Variants in ELOVL6 observed in about 807,000 individuals in gnomAD.
ELOVL6 encodes ELOVL fatty acid elongase 6, also known as very long chain fatty acid elongase 6.
ELOVL6 carries 8 observed loss-of-function variants against 31.7 expected under a neutral mutation model. That is an observed-to-expected ratio of 0.25 (90% CI 0.15 to 0.45). The LOEUF (loss-of-function observed/expected upper bound fraction) is 0.45, where lower values mean the gene tolerates loss of function less well. ELOVL6 is among the 20% of genes least tolerant of loss of function. The probability of loss-of-function intolerance (pLI) is 1.00; values close to 1 mark genes in which losing one functional copy is unlikely to be tolerated. For missense variants in ELOVL6, 126 were observed against 326.4 expected (o/e 0.39, Z 4.73); for synonymous variants, 101 against 117.7 (o/e 0.86, Z 0.92).
intron 2 of ELOVL6, among the ~76,000 whole-genome samples, chr4:110,078,124 G>A (rs1159846961): frequency 9.2e-5 from 14 of 152,224 alleles, no homozygotes; most frequent in Admixed American, 9.2e-4. Flanking sequence ...TGGTGTACCT[G>A]AAAGTGACAG....
intron 1 of ELOVL6, among the ~76,000 whole-genome samples, chr4:110,153,714 A>G (rs1190973708): frequency 6.6e-6 from 1 of 152,196 alleles, no homozygotes; most frequent in Non-Finnish European, 1.5e-5. Flanking sequence ...GAGAAATGAA[A>G]AACTGTTATA....
At chr4:110,180,719 T>G (rs1759247297) in intron 1 of ELOVL6, among the ~76,000 whole-genome samples, 1 of 152,226 alleles carries the variant, frequency 6.6e-6, no homozygotes, top group Admixed American at 6.5e-5. Context: ...GCCTATACTT[T>G]GTTTTCTTAT....
chr4:110,195,705 G>T (rs1202306901), intron 1 of ELOVL6, among the ~76,000 whole-genome samples: 1 of 152,194 alleles, frequency 6.6e-6, no homozygotes, highest in Non-Finnish European at 1.5e-5. Flanking sequence ...GCCACGGTAT[G>T]CAAGTTCTAG....
chr4:110,066,867 T>C (rs1297390280), intron 2 of ELOVL6, among the ~76,000 whole-genome samples: 2 of 152,016 alleles, frequency 1.3e-5, no homozygotes, highest in East Asian at 3.9e-4. Flanking sequence ...TCATCTAGGT[T>C]TTAAGCCCTG....
chr4:110,148,710 C>T (rs1394525567), intron 1 of ELOVL6, among the ~76,000 whole-genome samples: 1 of 152,068 alleles, frequency 6.6e-6, no homozygotes, highest in Non-Finnish European at 1.5e-5. Flanking sequence ...GATTATTATA[C>T]ACTGCATGCC....
intron 1 of ELOVL6, among the ~76,000 whole-genome samples, chr4:110,187,550 G>A (rs754504279): frequency 1.4e-4 from 22 of 151,782 alleles, no homozygotes; most frequent in Non-Finnish European, 2.9e-5. Context: ...CAAAAAATTA[G>A]CCTGGCATGG....
chr4:110,151,782 T>A (rs1028722558), intron 1 of ELOVL6, among the ~76,000 whole-genome samples: 4 of 152,226 alleles, frequency 2.6e-5, no homozygotes, highest in African/African-American at 9.6e-5. Flanking sequence ...TTACTAGCTG[T>A]ACAATGTTTG....
chr4:110,182,799 C>G (rs1759327424), intron 1 of ELOVL6, among the ~76,000 whole-genome samples: 3 of 151,924 alleles, frequency 2.0e-5, no homozygotes, highest in African/African-American at 7.3e-5. Context: ...TCCCAGCTAC[C>G]TGGGAGGCTG....
intron 2 of ELOVL6, among the ~76,000 whole-genome samples, chr4:110,097,427 G>A (rs193121317): frequency 7.2e-5 from 11 of 152,076 alleles, no homozygotes; most frequent in African/African-American, 1.9e-4. Context: ...AGCCAACTCC[G>A]GCAGTGCTAA....
chr4:110,185,833 ATG>A (rs1400389755), intron 1 of ELOVL6, among the ~76,000 whole-genome samples: 7 of 152,164 alleles, frequency 4.6e-5, no homozygotes, highest in Admixed American at 4.6e-4. Context: ...TCCATGTATA[ATG>A]GACTGAAAGG....
At chr4:110,110,601 G>A (rs904160942) in intron 1 of ELOVL6, among the ~76,000 whole-genome samples, 1 of 151,788 alleles carries the variant, frequency 6.6e-6, no homozygotes, top group Non-Finnish European at 1.5e-5. Context: ...CCAGTATGCT[G>A]GCCAGACTGG....
intron 2 of ELOVL6, among the ~76,000 whole-genome samples, chr4:110,090,397 C>CA (rs962423617): frequency 1.3e-5 from 2 of 152,040 alleles, no homozygotes; most frequent in African/African-American, 4.8e-5. Flanking sequence ...ATATTTTTGT[C>CA]AACCATAACC....
At chr4:110,172,349 A>G (rs1347513491) in intron 1 of ELOVL6, among the ~76,000 whole-genome samples, 1 of 152,168 alleles carries the variant, frequency 6.6e-6, no homozygotes, top group Non-Finnish European at 1.5e-5. Flanking sequence ...TAACAGAAGC[A>G]CACTTAAAAG....
At chr4:110,108,068 G>A (rs1756933638) in intron 1 of ELOVL6, among the ~76,000 whole-genome samples, 1 of 152,126 alleles carries the variant, frequency 6.6e-6, no homozygotes, top group African/African-American at 2.4e-5. Flanking sequence ...ATAATGTGTA[G>A]AACATTGTGT....
intron 1 of ELOVL6, among the ~76,000 whole-genome samples, chr4:110,157,124 G>A (rs1421999691): frequency 6.6e-6 from 1 of 152,156 alleles, no homozygotes; most frequent in African/African-American, 2.4e-5. Context: ...TTCTAGCAAG[G>A]CCAAGAAGAA....
At chr4:110,190,738 C>T (rs1006690232) in intron 1 of ELOVL6, among the ~76,000 whole-genome samples, 1 of 151,948 alleles carries the variant, frequency 6.6e-6, no homozygotes, top group Non-Finnish European at 1.5e-5. Flanking sequence ...CTCCTGACCT[C>T]AAGTGATCCA....
intron 1 of ELOVL6, among the ~76,000 whole-genome samples, chr4:110,196,795 G>A (rs1163790420): frequency 6.6e-6 from 1 of 152,068 alleles, no homozygotes; most frequent in Admixed American, 6.5e-5. Flanking sequence ...CGCGGCCCAG[G>A]AGGCGGGCTC....
At chr4:110,112,833 C>T (rs1757073107) in intron 1 of ELOVL6, among the ~76,000 whole-genome samples, 1 of 152,044 alleles carries the variant, frequency 6.6e-6, no homozygotes, top group Non-Finnish European at 1.5e-5. Context: ...AAGATCACAC[C>T]ATTGCATTCC....
At chr4:110,122,167 G>C (rs926856102) in intron 1 of ELOVL6, among the ~76,000 whole-genome samples, 7 of 152,112 alleles carry the variant, frequency 4.6e-5, no homozygotes, top group Admixed American at 2.0e-4. Context: ...TAGAAAAACT[G>C]TTGAGGACAC....
Sources: gnomAD v4.1 joint callset for allele counts (sites outside exome capture counted in the v4.1 genomes callset) on GRCh38, gnomAD v4.1.1 for gene constraint, MANE v1.5 for transcripts, NCBI Gene and HGNC (gene_info 2026-07-23, HGNC 2026-07-21) for gene names.